Variants in SYT16 observed in about 807,000 individuals in gnomAD.
SYT16 encodes the protein synaptotagmin-16.
SYT16 carries 42 observed loss-of-function variants against 61.4 expected under a neutral mutation model. That is an observed-to-expected ratio of 0.68 (90% confidence interval 0.53 to 0.89). The LOEUF (loss-of-function observed/expected upper bound fraction) is 0.89, where lower values mean the gene tolerates loss of function less well. Ranked by LOEUF, SYT16 falls within the 40% of genes least tolerant of loss-of-function variation. The probability of loss-of-function intolerance (pLI) is 0.00; values close to 1 mark genes in which losing one functional copy is unlikely to be tolerated. For synonymous variants in SYT16, 314 were observed against 302.3 expected (o/e 1.04, Z -0.40); for missense variants, 804 against 807.3 (o/e 1.00, Z 0.05).
intron 1 of SYT16, among the ~76,000 whole-genome samples, chr14:61,926,141 CAATAG>C (rs1338611997): frequency 6.6e-6 from 1 of 151,984 alleles, no homozygotes; most frequent in East Asian, 1.9e-4. Flanking sequence ...ACTGAGAACT[CAATAG>C]AAGTCAAGTT....
chr14:61,863,207 C>A (rs1025938851), intron 1 of SYT16, among the ~76,000 whole-genome samples: 3 of 152,186 alleles, frequency 2.0e-5, no homozygotes, highest in African/African-American at 7.2e-5. Flanking sequence ...AACCGTCTTC[C>A]AAAGTGGTTG....
intron 3 of SYT16, among the ~76,000 whole-genome samples, chr14:62,025,525 T>C (rs953398661): frequency 3.3e-5 from 5 of 152,174 alleles, no homozygotes; most frequent in African/African-American, 1.2e-4. Flanking sequence ...CTTTCACAGA[T>C]ATTTCCTCTC....
At chr14:61,839,952 A>T (rs559619211) in intron 1 of SYT16, among the ~76,000 whole-genome samples, 5 of 151,598 alleles carry the variant, frequency 3.3e-5, no homozygotes, top group Admixed American at 6.6e-5. Flanking sequence ...GGAAAGGGAG[A>T]GGAGAAGGAG....
chr14:62,048,980 T>A (rs895492371), intron 3 of SYT16, among the ~76,000 whole-genome samples: 12 of 152,214 alleles, frequency 7.9e-5, no homozygotes, highest in African/African-American at 2.7e-4. Flanking sequence ...GTTCTGTAGA[T>A]GTCTGTTAGG....
intron 1 of SYT16, among the ~76,000 whole-genome samples, chr14:61,909,114 T>G (rs1052170363): frequency 1.3e-5 from 2 of 152,202 alleles, no homozygotes; most frequent in African/African-American, 4.8e-5. Flanking sequence ...CAATTCATTT[T>G]AAGCACAAAG....
In SYT16 at chr14:61,956,297, T is replaced by C. The variant is rs151089289; in HGVS notation, c.-324-13835T>C. On this transcript the variant is annotated intron_variant, in intron 1 of 7. Transcript: ENST00000683842. The stretch of plus-strand genomic sequence containing the variant: ...TTTCCTTTGCTGTGCAGAAACTTTT[T>C]AGTTTGATGTAATCCTGTTTGTTTA... 4.1e-4 allele frequency among the ~76,000 whole-genome samples: 63 copies of C among 152,236 alleles called. 4 individuals carry two copies. In the East Asian group the frequency reaches 0.012, roughly 29 times the overall value.
chr14:61,930,080 CT>C (rs1594939368), intron 1 of SYT16, among the ~76,000 whole-genome samples: 3 of 152,284 alleles, frequency 2.0e-5, no homozygotes, highest in South Asian at 2.1e-4. Flanking sequence ...GTGCTCACAT[CT>C]TATCTAGGGC....
chr14:61,889,448 G>A (rs148526298), intron 1 of SYT16, among the ~76,000 whole-genome samples: 1,662 of 152,232 alleles, frequency 0.011, 14 homozygotes, highest in South Asian at 0.031. Context: ...AATGGGAGAC[G>A]TTTGGGTCAA....
At position 61,963,809 on chromosome 14, in the gene SYT16, G is replaced by A. The variant is rs77600939; in HGVS notation, c.-324-6323G>A. 7.3e-3 allele frequency among the ~76,000 whole-genome samples: 1,115 copies of A among 152,258 alleles called. 12 individuals carry two copies. The highest frequency in any genetic ancestry group is 0.025 in the African/African-American group (1,047 of 41,538). On this transcript the variant is annotated intron_variant, in intron 1 of 7. Coordinates refer to ENST00000683842, the MANE Select transcript of SYT16 (RefSeq NM_001367656.1). ...AGGGCGAGCTGGCCCTGTTGGTAAG[G>A]GCTGATGTAGCTGGTGACTTTAAAT...
chr14:62,075,604 T>TAAAAAAAAAAAAAAAAAAAAA (rs376818967), intron 5 of SYT16, among the ~76,000 whole-genome samples: 1 of 61,422 alleles, frequency 1.6e-5, no homozygotes, highest in African/African-American at 7.3e-5. Flanking sequence ...GGATGAACGG[T>TAAAAAAAAAAAAAAAAAAAAA]AAAAAAAAAA....
At chr14:61,872,994 G>A (rs2047378006) in intron 1 of SYT16, among the ~76,000 whole-genome samples, 1 of 152,106 alleles carries the variant, frequency 6.6e-6, no homozygotes, top group Non-Finnish European at 1.5e-5. Flanking sequence ...TGTATTCATA[G>A]GTAGGATGTA....
intron 1 of SYT16, among the ~76,000 whole-genome samples, chr14:61,968,910 C>T (rs2784506): frequency 0.35 from 52,901 of 151,940 alleles, 10,023 homozygotes; most frequent in African/African-American, 0.47. Context: ...GGCACTGTTG[C>T]TATTTTGCAG....
intron 1 of SYT16, among the ~76,000 whole-genome samples, chr14:61,926,625 C>T (rs1304881084): frequency 2.6e-5 from 4 of 152,210 alleles, no homozygotes; most frequent in East Asian, 1.9e-4. Context: ...GTATTGGTCT[C>T]GTGGGAGAAT....
intron 1 of SYT16, among the ~76,000 whole-genome samples, chr14:61,945,796 C>T (rs995650248): frequency 6.7e-4 from 88 of 130,928 alleles, no homozygotes; most frequent in African/African-American, 1.9e-3. Context: ...GCGGAACTTG[C>T]AGTGAGCCGA....
intron 1 of SYT16, among the ~76,000 whole-genome samples, chr14:61,961,573 C>T (rs1452263208): frequency 1.3e-5 from 2 of 152,058 alleles, no homozygotes; most frequent in Non-Finnish European, 2.9e-5. Context: ...GTGACATCAT[C>T]GTATACCAGT....
chr14:61,956,980 T>G (rs2050902022), intron 1 of SYT16, among the ~76,000 whole-genome samples: 1 of 151,952 alleles, frequency 6.6e-6, no homozygotes, highest in African/African-American at 2.4e-5. Flanking sequence ...CTTTTAAAAT[T>G]TCTTTCATCA....
chr14:62,032,213 G>C (rs2054334778), intron 3 of SYT16, among the ~76,000 whole-genome samples: 1 of 151,976 alleles, frequency 6.6e-6, no homozygotes, highest in Admixed American at 6.6e-5. Context: ...GGAGAATGTT[G>C]GCATGATTGC....
At chr14:62,071,584 G>A (rs74803337) in intron 4 of SYT16, among the ~76,000 whole-genome samples, 6,416 of 152,226 alleles carry the variant, frequency 0.042, 464 homozygotes, top group African/African-American at 0.15. Context: ...GTTACCAGAC[G>A]CCATGGAAAT....
intron 1 of SYT16, among the ~76,000 whole-genome samples, chr14:61,941,256 C>CT (rs1291737186): frequency 6.6e-6 from 1 of 152,152 alleles, no homozygotes; most frequent in African/African-American, 2.4e-5. Context: ...CTAGCTATCC[C>CT]TTAGTGATGC....
Sources: allele counts gnomAD v4.1 joint callset (sites outside exome capture counted in the v4.1 genomes callset), GRCh38; gene constraint gnomAD v4.1.1; transcripts MANE v1.5; gene names NCBI Gene and HGNC (gene_info 2026-07-23, HGNC 2026-07-21).